The following SPATA22 variants were observed in gnomAD, a reference collection of about 807,000 sequenced individuals.
SPATA22 encodes the protein spermatogenesis-associated protein 22.
Under a neutral mutation model 47.8 loss-of-function variants are expected in SPATA22, and 29 were observed. The observed-to-expected ratio is 0.61, with a 90% confidence interval of 0.45 to 0.83. SPATA22 has a LOEUF of 0.83. Among genes scored for constraint, SPATA22 ranks in the 40% least tolerant of loss-of-function variants. The pLI, the probability that SPATA22 is intolerant of heterozygous loss-of-function variation, is 0.00. For synonymous variants in SPATA22, 133 were observed against 140.9 expected (o/e 0.94, Z 0.40); for missense variants, 410 against 421.7 (o/e 0.97, Z 0.24).
upstream of SPATA22, chr17:3,476,060 G>A: frequency 1.7e-6 from 2 of 1,144,718 alleles, no homozygotes; most frequent in East Asian, 4.9e-5. Flanking sequence ...TGCCCTTTGG[G>A]TAAAGTCTCA....
At chr17:3,479,505 A>G (rs1273633457) in intron 1 of SPATA22, among the ~76,000 whole-genome samples, 1 of 152,230 alleles carries the variant, frequency 6.6e-6, no homozygotes, top group Non-Finnish European at 1.5e-5. Context: ...TAGGCTGTCC[A>G]GGGCTGATGG....
chr17:3,488,061 G>A lies in SPATA22; in HGVS notation c.-73-18663C>T, dbSNP rs2073759299. Among the ~76,000 whole-genome samples the A allele has an allele frequency of 1.3e-5, 2 of 152,124 alleles. No individual in the cohort carries two copies. Among genetic ancestry groups the A allele is most frequent in the Non-Finnish European group, 2.9e-5 (2 of 68,020 alleles). ...GAATAAGATAAGATTTTGTGTATTG[G>A]GAAATAACAGAAGCGGGTGAAAACA... On this transcript the variant is annotated intron_variant, in intron 1 of 8. Coordinates refer to the SPATA22 transcript ENST00000541913. This position sits in a 1 kb window ranked among gnomAD's most constrained non-coding sequence, Gnocchi z 6.1.
At chr17:3,447,588 A>G (rs1168250217) in intron 6 of SPATA22, among the ~76,000 whole-genome samples, 2 of 152,184 alleles carry the variant, frequency 1.3e-5, no homozygotes, top group African/African-American at 4.8e-5. Context: ...AACATGCAAA[A>G]ACAAATTTTA....
intron 1 of SPATA22, among the ~76,000 whole-genome samples, chr17:3,503,589 G>T (rs8077758): frequency 6.6e-6 from 1 of 152,070 alleles, no homozygotes; most frequent in African/African-American, 2.4e-5. Context: ...AAAATTTACA[G>T]TGTACAATTT....
chr17:3,498,188 G>A (rs534716163), intron 1 of SPATA22, among the ~76,000 whole-genome samples: 2 of 152,100 alleles, frequency 1.3e-5, no homozygotes, highest in Non-Finnish European at 2.9e-5. Context: ...GCACACAGAA[G>A]ACTCCTAATG....
At chr17:3,491,560 A>T (rs1314928625) in intron 1 of SPATA22, among the ~76,000 whole-genome samples, 6 of 152,060 alleles carry the variant, frequency 3.9e-5, no homozygotes, top group Non-Finnish European at 8.8e-5. Flanking sequence ...CAGTCTGGGC[A>T]ACATGGGGAA....
chr17:3,490,690 T>C lies in SPATA22; in HGVS notation c.-73-21292A>G, dbSNP rs1297622262. Among the ~76,000 whole-genome samples, 7 of 152,224 alleles carry C rather than the reference T, an allele frequency of 4.6e-5. No homozygotes were observed. The highest frequency in any genetic ancestry group is 8.8e-5 in the Non-Finnish European group (6 of 68,046). ...AACTGGTTTTGAGAAGATCACAACA[T>C]ACTTACAATAAACCCTCTGAATAGG... On this transcript the variant is annotated intron_variant, in intron 1 of 8. Coordinates refer to the SPATA22 transcript ENST00000541913. This position sits in a 1 kb window ranked among gnomAD's most constrained non-coding sequence, Gnocchi z 4.6.
intron 1 of SPATA22, chr17:3,513,121 G>A (rs1332425971): frequency 6.6e-6 from 1 of 152,608 alleles, no homozygotes; most frequent in African/African-American, 2.4e-5. Flanking sequence ...GGCACCCTGA[G>A]GCCAAATATA....
chr17:3,458,171 A>T (rs1390826278), intron 5 of SPATA22, among the ~76,000 whole-genome samples: 3 of 152,212 alleles, frequency 2.0e-5, no homozygotes, highest in Non-Finnish European at 4.4e-5. Flanking sequence ...ACCTAAATAG[A>T]CATTTTTGTA....
At chr17:3,498,585 G>A (rs2073947090) in intron 1 of SPATA22, among the ~76,000 whole-genome samples, 2 of 152,096 alleles carry the variant, frequency 1.3e-5, no homozygotes, top group Admixed American at 1.3e-4. Context: ...AGGCTCAAGC[G>A]ATCCACCCAC....
At chr17:3,493,382 G>A (rs903269557) in intron 1 of SPATA22, among the ~76,000 whole-genome samples, 2 of 151,970 alleles carry the variant, frequency 1.3e-5, no homozygotes, top group Non-Finnish European at 2.9e-5. Context: ...CCAACATGGT[G>A]AGACCCCATC....
intron 3 of SPATA22, among the ~76,000 whole-genome samples, chr17:3,465,262 C>A (rs1380882045): frequency 0.023 from 3,508 of 149,686 alleles, 166 homozygotes; most frequent in African/African-American, 0.081. Context: ...CCGGCCACCA[C>A]CCCGTCTGGG....
At chr17:3,476,101 C>T (rs960826259), upstream of SPATA22, 9 of 1,500,232 alleles carry the variant, frequency 6.0e-6, no homozygotes, top group South Asian at 1.1e-5. Flanking sequence ...TTAAGAAAAT[C>T]GAATTTCCTT....
At chr17:3,509,858 C>T (rs933196897) in intron 1 of SPATA22, among the ~76,000 whole-genome samples, 4 of 152,034 alleles carry the variant, frequency 2.6e-5, no homozygotes, top group Non-Finnish European at 5.9e-5. Context: ...AATCGCCATT[C>T]TGACTGGCGT....
rs768909254 is a variant in SPATA22, at chr17:3,449,029, C to T, written c.450G>A (p.Ser150=). Reference sequence around the variant, plus strand: ...TTAATTGTTTTTGTTGTTGAGCTCCCGAACTCACTGGACAAGAATTTTTTC... The same window carrying T: ...TTAATTGTTTTTGTTGTTGAGCTCCTGAACTCACTGGACAAGAATTTTTTC... ...NDGKNSCPVS[S]GAQQQKQLRI... is the part of the protein sequence containing the mutation. Residue 150 remains serine (S), a synonymous_variant, in exon 6 of 9, where the codon TCG becomes TCA. Transcript: ENST00000572969. 9.9e-6 allele frequency: 16 copies of T among 1,613,752 alleles called. No individual in the cohort carries two copies. Among genetic ancestry groups the T allele is most frequent in the Admixed American group, 5.0e-5 (3 of 59,976 alleles).
At chr17:3,450,639 T>C (rs1444627607) in intron 5 of SPATA22, among the ~76,000 whole-genome samples, 1 of 152,190 alleles carries the variant, frequency 6.6e-6, no homozygotes, top group Non-Finnish European at 1.5e-5. Context: ...AATTTTGTAA[T>C]TTTATTTTCA....
At chr17:3,491,311 T>C (rs1261121752) in intron 1 of SPATA22, among the ~76,000 whole-genome samples, 1 of 152,130 alleles carries the variant, frequency 6.6e-6, no homozygotes. Flanking sequence ...AGGGAGGTAA[T>C]GGTCTTTTTT....
intron 3 of SPATA22, among the ~76,000 whole-genome samples, chr17:3,463,486 T>C (rs1195759870): frequency 6.6e-6 from 1 of 152,118 alleles, no homozygotes; most frequent in Non-Finnish European, 1.5e-5. Flanking sequence ...AAAAATATAA[T>C]ATAAAAGATA....
chr17:3,465,936 A>T (rs755255749), intron 3 of SPATA22, among the ~76,000 whole-genome samples: 2 of 152,066 alleles, frequency 1.3e-5, no homozygotes, highest in Non-Finnish European at 1.5e-5. Context: ...TCAATTTTTC[A>T]AGGTCAACAT....
Sources: allele counts gnomAD v4.1 joint callset (sites outside exome capture counted in the v4.1 genomes callset), GRCh38; gene constraint gnomAD v4.1.1; non-coding constraint Gnocchi (gnomAD v3.1); transcripts MANE v1.5; gene names NCBI Gene and HGNC (gene_info 2026-07-23, HGNC 2026-07-21).